FKBP1A: variants seen among roughly 807,000 people sequenced by gnomAD.
FKBP1A encodes peptidyl-prolyl cis-trans isomerase FKBP1A.
FKBP1A carries 5 observed loss-of-function variants against 14.2 expected under a neutral mutation model. That is an observed-to-expected ratio of 0.35 (90% CI 0.18 to 0.74). The LOEUF is 0.74. Ranked by LOEUF, FKBP1A falls within the 30% of genes least tolerant of loss-of-function variation. The probability of loss-of-function intolerance (pLI) is 0.56; values close to 1 mark genes in which losing one functional copy is unlikely to be tolerated. For synonymous variants in FKBP1A, 42 were observed against 49.1 expected (o/e 0.86, Z 0.60); for missense variants, 53 against 138.8 (o/e 0.38, Z 3.10).
At chr20:1,377,644 T>G (rs1434817274) in intron 2 of FKBP1A, 1 of 152,232 alleles carries the variant, frequency 6.6e-6, no homozygotes, top group Non-Finnish European at 1.5e-5. Flanking sequence ...GCTGCACTTC[T>G]TACATGGAAC....
At chr20:1,378,488 G>C (rs990157383) in intron 2 of FKBP1A, 1 of 152,182 alleles carries the variant, frequency 6.6e-6, no homozygotes, top group Non-Finnish European at 1.5e-5. Context: ...CAAATGCACA[G>C]AATGTACACC....
chr20:1,390,830 G>A (rs1422369882), intron 2 of FKBP1A, among the ~76,000 whole-genome samples: 4 of 152,160 alleles, frequency 2.6e-5, no homozygotes, highest in Admixed American at 2.0e-4. Context: ...TCACTAAGGC[G>A]TCTTTATAGG....
chr20:1,379,348 G>A lies in FKBP1A; in HGVS notation c.86-3745C>T, dbSNP rs963225258. 2.0e-5 allele frequency among the ~76,000 whole-genome samples: 3 copies of A among 152,234 alleles called. No homozygotes were observed. Among genetic ancestry groups the A allele is most frequent in the African/African-American group, 7.2e-5 (3 of 41,456 alleles). ...AGGAGCACTAGGCAGGACACAGCCT[G>A]AATCTGCTGCTGCTGCTGCTGCTGA... On this transcript the variant is annotated intron_variant, in intron 2 of 4. Coordinates refer to ENST00000400137, the MANE Select transcript of FKBP1A (RefSeq NM_000801.5). This position sits in a 1 kb window ranked among gnomAD's most constrained non-coding sequence, Gnocchi z 4.3.
chr20:1,378,981 A>G (rs2089587306), intron 2 of FKBP1A, among the ~76,000 whole-genome samples: 1 of 152,234 alleles, frequency 6.6e-6, no homozygotes, highest in African/African-American at 2.4e-5. Context: ...AAGTTACTAC[A>G]TGGCATATAC....
intron 2 of FKBP1A, among the ~76,000 whole-genome samples, chr20:1,389,110 A>C (rs2089702720): frequency 6.6e-6 from 1 of 150,750 alleles, no homozygotes; most frequent in Non-Finnish European, 1.5e-5. Flanking sequence ...CCCATCCCTC[A>C]CTCTGCTTTA....
rs34401063 is a variant in FKBP1A, at chr20:1,369,722, ACC to A, written c.*385_*386del. ...AAATTAAAATAAAATATTCTTGCAA[ACC>A]CCCCCCCCAACACCAATTCCTATTC... On this transcript the variant is annotated 3_prime_UTR_variant, in exon 5 of 5. Transcript: ENST00000400137. The A allele has an allele frequency of 3.3e-3, 611 of 182,642 alleles. 3 individuals carry two copies. The highest frequency in any genetic ancestry group is 5.1e-3 in the Non-Finnish European group (414 of 80,882). 11.3% of individuals were successfully genotyped at this position (182,642 alleles called of 1,614,324 possible). A position where few individuals can be genotyped will look rare whatever the true frequency, so the allele number is the denominator to read the frequency against.
At chr20:1,371,902 T>A (rs2089470081) in intron 4 of FKBP1A, 174 bp downstream of exon 4, 6 of 1,367,832 alleles carry the variant, frequency 4.4e-6, no homozygotes, top group Non-Finnish European at 5.7e-6. Context: ...GGTGACCAAT[T>A]TTTACATTCA....
Position 1,369,958 on chromosome 20 carries a change from C to T in FKBP1A, c.*151G>A. On this transcript the variant is annotated 3_prime_UTR_variant, in exon 5 of 5. Coordinates refer to ENST00000400137, the MANE Select transcript of FKBP1A (RefSeq NM_000801.5). ...AGGTGTCGGAAGCAAAGCTGAGTGA[C>T]AGAACACATTCAGTCAGGGCAGATG... 1 of 1,495,196 alleles carries T rather than the reference C, an allele frequency of 6.7e-7. No individual in the cohort carries two copies. The highest frequency in any genetic ancestry group is 9.0e-7 in the Non-Finnish European group (1 of 1,109,684). 92.6% of individuals were successfully genotyped at this position (1,495,196 alleles called of 1,614,324 possible). A position where few individuals can be genotyped will look rare whatever the true frequency, so the allele number is the denominator to read the frequency against.
chr20:1,380,303 T>G (rs1345217536), intron 2 of FKBP1A, among the ~76,000 whole-genome samples: 1 of 152,072 alleles, frequency 6.6e-6, no homozygotes, highest in Non-Finnish European at 1.5e-5. Flanking sequence ...AGGAGAGAGC[T>G]ATACAGAGAT....
intron 2 of FKBP1A, among the ~76,000 whole-genome samples, chr20:1,380,122 T>C (rs147709103): frequency 1.1e-3 from 165 of 152,034 alleles, no homozygotes; most frequent in African/African-American, 3.8e-3. Context: ...AAAAACCACC[T>C]AGACAAAATA....
At position 1,370,013 on chromosome 20, in the gene FKBP1A, A is replaced by G. The variant is rs1411973906; in HGVS notation, c.*96T>C. Reference sequence around the variant, plus strand: ...TACAAAGTGGAGTGGAACATCAGGAAAAGCTCCATATGGATTCATGTGCAC... The same window carrying G: ...TACAAAGTGGAGTGGAACATCAGGAGAAGCTCCATATGGATTCATGTGCAC... On this transcript the variant is annotated 3_prime_UTR_variant, in exon 5 of 5. Coordinates refer to ENST00000400137, the MANE Select transcript of FKBP1A (RefSeq NM_000801.5). 6.5e-7 allele frequency: 1 copy of G among 1,549,780 alleles called. No homozygotes were observed. Among genetic ancestry groups the G allele is most frequent in the African/African-American group, 1.4e-5 (1 of 73,050 alleles).
Position 1,370,002 on chromosome 20 carries a change from G to C in FKBP1A, c.*107C>G. On this transcript the variant is annotated 3_prime_UTR_variant, in exon 5 of 5. Transcript: ENST00000400137. ...GCAGATGTCTATACAAAGTGGAGTG[G>C]AACATCAGGAAAAGCTCCATATGGA... The C allele has an allele frequency of 1.3e-6, 2 of 1,549,114 alleles. No individual in the cohort carries two copies. Among genetic ancestry groups the C allele is most frequent in the Non-Finnish European group, 1.7e-6 (2 of 1,146,246 alleles).
At chr20:1,375,950 A>C (rs1303443206) in intron 2 of FKBP1A, among the ~76,000 whole-genome samples, 1 of 152,186 alleles carries the variant, frequency 6.6e-6, no homozygotes. Flanking sequence ...GCTAAAAATA[A>C]CTGTGGTCCC....
At chr20:1,391,643 G>A in intron 2 of FKBP1A, 1 of 398,644 alleles carries the variant, frequency 2.5e-6, no homozygotes, top group Admixed American at 4.4e-5. Flanking sequence ...CTCAATAGAG[G>A]GATCCCTCCA....
intron 2 of FKBP1A, chr20:1,378,099 G>GA (rs1159837477): frequency 6.8e-6 from 1 of 147,644 alleles, no homozygotes; most frequent in African/African-American, 2.5e-5. Flanking sequence ...GATCTTCCAG[G>GA]AAAGTCCCAC....
chr20:1,393,044 G>T lies in FKBP1A; in HGVS notation c.-46C>A, dbSNP rs1381722497. The T allele has an allele frequency of 3.4e-5, 44 of 1,291,390 alleles. No individual in the cohort carries two copies. The highest frequency in any genetic ancestry group is 4.2e-5 in the Non-Finnish European group (41 of 968,610). The allele number at this position is 1,291,390 out of a possible 1,614,324, so 80.0% of individuals were successfully genotyped here. On this transcript the variant is annotated 5_prime_UTR_variant, in exon 1 of 5. Coordinates refer to ENST00000400137, the MANE Select transcript of FKBP1A (RefSeq NM_000801.5). The stretch of plus-strand genomic sequence containing the variant: ...GGGCGGGCGGCGCGACGGGCGGCGT[G>T]GACCAACAGCGACCTGGCGGCGGTT...
At chr20:1,387,553 T>C (rs974023666) in intron 2 of FKBP1A, among the ~76,000 whole-genome samples, 2 of 152,152 alleles carry the variant, frequency 1.3e-5, no homozygotes, top group Non-Finnish European at 2.9e-5. Flanking sequence ...TTTTAAAAAT[T>C]GGTAATTAAA....
chr20:1,388,514 G>A (rs1184429787), intron 2 of FKBP1A, among the ~76,000 whole-genome samples: 1 of 152,218 alleles, frequency 6.6e-6, no homozygotes, highest in East Asian at 1.9e-4. Context: ...GCATGTGGAA[G>A]CTGGGAACTG....
rs111896126 is a variant in FKBP1A at position 1,384,625 on chromosome 20, A to C, written c.85+8209T>G. Reference sequence around the variant, plus strand: ...CCACTTGTCTCAATCATGATGGGTAAAAAGGGATTCTACATTTAGATAGGC... The same window carrying C: ...CCACTTGTCTCAATCATGATGGGTACAAAGGGATTCTACATTTAGATAGGC... On this transcript the variant is annotated intron_variant, in intron 2 of 4. Transcript: ENST00000400137. 4.9e-3 allele frequency among the ~76,000 whole-genome samples: 742 copies of C among 152,336 alleles called. 6 individuals carry two copies. The highest frequency in any genetic ancestry group is 0.017 in the African/African-American group (691 of 41,572).
Sources: allele counts gnomAD v4.1 joint callset (sites outside exome capture counted in the v4.1 genomes callset), GRCh38; gene constraint gnomAD v4.1.1; non-coding constraint Gnocchi (gnomAD v3.1); transcripts MANE v1.5; gene names NCBI Gene and HGNC (gene_info 2026-07-23, HGNC 2026-07-21).